FAM227B: variants seen among roughly 807,000 people sequenced by gnomAD.
The protein encoded by FAM227B is protein FAM227B.
Under a neutral mutation model 73.8 loss-of-function variants are expected in FAM227B, and 88 were observed. That is an observed-to-expected ratio of 1.19 (90% CI 1.00 to 1.42). The LOEUF is 1.42. Among genes scored for constraint, FAM227B ranks in the 40% most tolerant of loss-of-function variants. The pLI is 0.00. For synonymous variants in FAM227B, 210 were observed against 190.5 expected, an observed-to-expected ratio of 1.10 and a Z score of -0.84; for missense variants, 632 against 590.9, an observed-to-expected ratio of 1.07 and a Z score of -0.72.
At chr15:49,612,546 T>C (rs978411310) in intron 2 of FAM227B, among the ~76,000 whole-genome samples, 2 of 152,148 alleles carry the variant, frequency 1.3e-5, no homozygotes, top group African/African-American at 4.8e-5. Flanking sequence ...GTGCATAAAT[T>C]AAAGCATAAA....
chr15:49,577,698 CTAAAT>C, intron 5 of FAM227B, 34 bp from the exon 6 acceptor site: 1 of 1,359,988 alleles, frequency 7.4e-7, no homozygotes, highest in Non-Finnish European at 1.0e-6. Flanking sequence ...CTTTAAAACT[CTAAAT>C]TAAAGAAATT....
intron 11 of FAM227B, chr15:49,434,659 G>T (rs970864980): frequency 1.1e-4 from 16 of 151,384 alleles, no homozygotes; most frequent in African/African-American, 3.9e-4. Context: ...CCAAGGTAAA[G>T]GTTTTTTTTC....
At position 49,329,806 on chromosome 15, in the gene FAM227B, T is replaced by TAA. The variant is rs558009170; in HGVS notation, c.1420-1133_1420-1132dup. The stretch of plus-strand genomic sequence containing the variant: ...TTCTTTAAAGATACCTGGATCAGTG[T>TAA]AAAAAAAAAAAAAAAAAGGCACCTG... On this transcript the variant is annotated intron_variant, in intron 15 of 15. Coordinates refer to ENST00000299338, the MANE Select transcript of FAM227B (RefSeq NM_152647.3). The TAA allele has an allele frequency of 2.8e-3, 2,010 of 728,648 alleles. 12 individuals carry two copies. The highest frequency in any genetic ancestry group is 0.015 in the African/African-American group (698 of 46,580). The allele number at this position is 728,648 out of a possible 1,614,324, so 45.1% of individuals were successfully genotyped here.
intron 11 of FAM227B, among the ~76,000 whole-genome samples, chr15:49,490,822 A>G (rs910602218): frequency 6.6e-6 from 1 of 152,034 alleles, no homozygotes; most frequent in Non-Finnish European, 1.5e-5. Flanking sequence ...CAACCAGGCT[A>G]GATGAGAGGG....
intron 11 of FAM227B, chr15:49,484,291 T>C (rs763054888): frequency 1.6e-5 from 25 of 1,558,334 alleles, no homozygotes; most frequent in Non-Finnish European, 2.1e-5. Flanking sequence ...AATGTCTGTT[T>C]GTTTGTTTGT....
intron 11 of FAM227B, among the ~76,000 whole-genome samples, chr15:49,456,225 C>G (rs1222325166): frequency 6.6e-6 from 1 of 151,880 alleles, no homozygotes; most frequent in Non-Finnish European, 1.5e-5. Flanking sequence ...CCCTATTTCC[C>G]TCTGAGACTT....
chr15:49,523,170 T>C (rs2059910053), intron 10 of FAM227B, among the ~76,000 whole-genome samples: 1 of 152,048 alleles, frequency 6.6e-6, no homozygotes, highest in Non-Finnish European at 1.5e-5. Flanking sequence ...GCTAGAAGAG[T>C]GAGCCTAGGG....
intron 10 of FAM227B, among the ~76,000 whole-genome samples, chr15:49,521,209 T>G (rs1349383790): frequency 6.6e-6 from 1 of 152,208 alleles, no homozygotes; most frequent in Non-Finnish European, 1.5e-5. Context: ...AAACATGCTC[T>G]GGAACACACT....
At chr15:49,414,657 C>G (rs1343974171) in intron 11 of FAM227B, among the ~76,000 whole-genome samples, 2 of 150,848 alleles carry the variant, frequency 1.3e-5, no homozygotes, top group Non-Finnish European at 2.9e-5. Context: ...AGAGAAGATA[C>G]AAAGAGGTGG....
At chr15:49,523,043 C>T (rs1249299702) in intron 10 of FAM227B, among the ~76,000 whole-genome samples, 20 of 152,060 alleles carry the variant, frequency 1.3e-4, no homozygotes, top group Non-Finnish European at 1.5e-5. Flanking sequence ...TTACTCTCTT[C>T]AATGTGAAAG....
intron 11 of FAM227B, among the ~76,000 whole-genome samples, chr15:49,459,421 T>G (rs1487883535): frequency 1.3e-5 from 2 of 152,192 alleles, no homozygotes; most frequent in Non-Finnish European, 2.9e-5. Context: ...GTCCATGTGT[T>G]GTACATTTTT....
chr15:49,504,839 T>G (rs2058455021), intron 11 of FAM227B, among the ~76,000 whole-genome samples: 1 of 152,216 alleles, frequency 6.6e-6, no homozygotes, highest in African/African-American at 2.4e-5. Flanking sequence ...TTTATAGCAA[T>G]GCAAGAATGA....
rs1000083828 is a variant in FAM227B at position 49,400,830 on chromosome 15, C to T, written c.1013-29431G>A. ...AAGCTGAAACTTGATCCCTTCCTTA[C>T]ACCTTATACAAAAATCAATTCAAGA... On this transcript the variant is annotated intron_variant, in intron 11 of 15. Coordinates refer to ENST00000299338, the MANE Select transcript of FAM227B (RefSeq NM_152647.3). 8.8e-4 allele frequency among the ~76,000 whole-genome samples: 133 copies of T among 150,904 alleles called. 5 individuals carry two copies. In the South Asian group the frequency reaches 0.027, roughly 31 times the overall value.
rs975523597 is a variant in FAM227B at position 49,589,858 on chromosome 15, T to A, written c.255A>T (p.Glu85Asp). ...PRIFEALLIM[E>D]SKLKEYSLIL... ...TAAGTGAATATTCCTTTAATTTTGA[T>A]TCCATGATCAAAAGTGCTTCAAATA... Residue 85 changes from glutamate to aspartate, a missense_variant, in exon 4 of 16, where the codon GAA (glutamate) becomes GAT (aspartate). Transcript: ENST00000299338. 6.2e-7 allele frequency: 1 copy of A among 1,609,790 alleles called. No homozygotes were observed. The highest frequency in any genetic ancestry group is 8.5e-7 in the Non-Finnish European group (1 of 1,176,136).
chr15:49,536,696 T>C (rs1320903721), intron 10 of FAM227B, among the ~76,000 whole-genome samples: 2 of 151,942 alleles, frequency 1.3e-5, no homozygotes, highest in African/African-American at 2.4e-5. Flanking sequence ...TTTTAAAAAC[T>C]ATGGTATTGG....
Position 49,596,161 on chromosome 15 carries a change from A to G in FAM227B, c.106-6154T>C, listed in dbSNP as rs116760592. On this transcript the variant is annotated intron_variant, in intron 3 of 15. Coordinates refer to ENST00000299338, the MANE Select transcript of FAM227B (RefSeq NM_152647.3). ...ATAATCATCACCTAGGCACACAGTC[A>G]TTAGGTTATCTAAAGTCGAAACAAA... 3.7e-3 allele frequency among the ~76,000 whole-genome samples: 567 copies of G among 152,124 alleles called. 7 individuals carry two copies. Among genetic ancestry groups the G allele is most frequent in the African/African-American group, 0.013 (543 of 41,554 alleles).
At chr15:49,346,053 T>TA (rs1008236696) in intron 13 of FAM227B, among the ~76,000 whole-genome samples, 13 of 103,850 alleles carry the variant, frequency 1.3e-4, no homozygotes, top group African/African-American at 3.3e-4. Context: ...CTTTTGTTAT[T>TA]TTTTTTTTTT....
At chr15:49,422,805 T>C in intron 11 of FAM227B, 2 of 1,179,112 alleles carry the variant, frequency 1.7e-6, no homozygotes, top group Non-Finnish European at 2.4e-6. Flanking sequence ...ATCTACACAG[T>C]GCTTTAAGGC....
intron 11 of FAM227B, among the ~76,000 whole-genome samples, chr15:49,503,882 C>T (rs1158348126): frequency 5.3e-5 from 8 of 152,146 alleles, no homozygotes; most frequent in African/African-American, 1.7e-4. Flanking sequence ...TCCTCAGGGA[C>T]CTAGAACTGG....
Sources: gnomAD v4.1 joint callset for allele counts (sites outside exome capture counted in the v4.1 genomes callset) on GRCh38, gnomAD v4.1.1 for gene constraint, MANE v1.5 for transcripts, NCBI Gene and HGNC (gene_info 2026-07-23, HGNC 2026-07-21) for gene names.